Variants in SLC17A8 observed in about 807,000 individuals in gnomAD.
The protein encoded by SLC17A8 is vesicular glutamate transporter 3.
SLC17A8 carries 31 observed loss-of-function variants against 58.0 expected under a neutral mutation model. That is an observed-to-expected ratio of 0.53 (90% CI 0.40 to 0.72). The LOEUF (loss-of-function observed/expected upper bound fraction) is 0.72, where lower values mean the gene tolerates loss of function less well. Ranked by LOEUF, SLC17A8 falls within the 30% of genes least tolerant of loss-of-function variation. SLC17A8 has a pLI of 0.00. For missense variants in SLC17A8, 655 were observed against 727.8 expected (o/e 0.90, Z 1.15); for synonymous variants, 228 against 249.0 (o/e 0.92, Z 0.79).
intron 1 of SLC17A8, among the ~76,000 whole-genome samples, chr12:100,361,101 CCTTTA>C (rs953228214): frequency 6.6e-6 from 1 of 152,154 alleles, no homozygotes; most frequent in African/African-American, 2.4e-5. Context: ...GCTGCAACAT[CCTTTA>C]CTTCCCTGCC....
Position 100,402,679 on chromosome 12 carries a change from CT to C in SLC17A8, c.991del (p.Tyr331IlefsTer5), listed in dbSNP as rs1293916585. Reference protein sequence around the residue: ...IVANFCRSWTFYLLLISQPAY... With the variant: ...IVANFCRSWTXYLLLISQPAY... ...TGGCAAATTTTTGCAGAAGCTGGACCTTTTATTTGCTCCTCATAAGTCAGCC... is the reference window on the plus strand; with the variant it reads ...TGGCAAATTTTTGCAGAAGCTGGACCTTTATTTGCTCCTCATAAGTCAGCC... On this transcript the variant is annotated frameshift_variant, in exon 8 of 12. Coordinates refer to ENST00000323346, the MANE Select transcript of SLC17A8 (RefSeq NM_139319.3). LOFTEE classifies it high-confidence loss of function. 6.2e-7 allele frequency: 1 copy of C among 1,613,940 alleles called. No individual in the cohort carries two copies. The highest frequency in any genetic ancestry group is 1.3e-5 in the African/African-American group (1 of 74,904).
rs886048791 is a variant in SLC17A8, at chr12:100,420,403, G to C, written c.*244G>C. The C allele has an allele frequency of 2.1e-6, 1 of 472,038 alleles. No homozygotes were observed. The highest frequency in any genetic ancestry group is 1.9e-5 in the African/African-American group (1 of 51,824). The allele number at this position is 472,038 out of a possible 1,614,324, so 29.2% of individuals were successfully genotyped here. A position where few individuals can be genotyped will look rare whatever the true frequency, so the allele number is the denominator to read the frequency against. On this transcript the variant is annotated 3_prime_UTR_variant, in exon 12 of 12. Transcript: ENST00000323346. ...TGACAGTTGACCCTTCTCTCAAAGA[G>C]CTAAACTTATTCAGAAAGGAATGAC...
chr12:100,384,590 A>C (rs895277149), intron 2 of SLC17A8, among the ~76,000 whole-genome samples: 3 of 152,126 alleles, frequency 2.0e-5, no homozygotes, highest in Non-Finnish European at 2.9e-5. Flanking sequence ...CAAACAAAAA[A>C]TGGTAGTGGG....
intron 2 of SLC17A8, among the ~76,000 whole-genome samples, chr12:100,389,728 G>T (rs1172680455): frequency 6.6e-6 from 1 of 151,180 alleles, no homozygotes; most frequent in Non-Finnish European, 1.5e-5. Context: ...CAACTCCTGG[G>T]TTCCAGGGAT....
In SLC17A8 at chr12:100,420,138, A is replaced by G; in HGVS notation, c.1749A>G (p.Arg583=). ...TGACATCCTACCAGAATGAAGAGAG[A>G]AACTTCTCAACTATATCCTAATGTC... ...EELTSYQNEE[R]NFSTIS Residue 583 remains arginine, a synonymous_variant, in exon 12 of 12, where the codon AGA becomes AGG. Coordinates refer to ENST00000323346, the MANE Select transcript of SLC17A8 (RefSeq NM_139319.3). The G allele has an allele frequency of 6.2e-7, 1 of 1,613,342 alleles. No individual in the cohort carries two copies. The highest frequency in any genetic ancestry group is 1.3e-5 in the African/African-American group (1 of 75,034).
chr12:100,417,621 G>C (rs548940929), intron 10 of SLC17A8, among the ~76,000 whole-genome samples: 12 of 152,224 alleles, frequency 7.9e-5, no homozygotes, highest in Non-Finnish European at 1.3e-4. Flanking sequence ...TGCCTTTTAA[G>C]AGTAAGTCAG....
intron 1 of SLC17A8, among the ~76,000 whole-genome samples, chr12:100,377,736 G>T (rs1009978776): frequency 6.6e-6 from 1 of 151,672 alleles, no homozygotes; most frequent in Non-Finnish European, 1.5e-5. Flanking sequence ...CTACAGGCGC[G>T]TGCCACCACG....
At chr12:100,390,884 T>C in intron 2 of SLC17A8, 117 bp from the exon 3 acceptor site, 1 of 780,592 alleles carries the variant, frequency 1.3e-6, no homozygotes, top group Non-Finnish European at 2.3e-6. Context: ...TAAGTATGTG[T>C]TAAATAAATG....
intron 1 of SLC17A8, among the ~76,000 whole-genome samples, chr12:100,371,300 A>G (rs1256469694): frequency 6.6e-6 from 1 of 152,214 alleles, no homozygotes; most frequent in Non-Finnish European, 1.5e-5. Context: ...CACATACCTA[A>G]TAAATACCAC....
intron 1 of SLC17A8, among the ~76,000 whole-genome samples, chr12:100,365,851 C>T (rs1566385699): frequency 6.6e-6 from 1 of 152,122 alleles, no homozygotes; most frequent in Non-Finnish European, 1.5e-5. Flanking sequence ...TGATGTTCTG[C>T]AGCAGGTCCA....
intron 2 of SLC17A8, among the ~76,000 whole-genome samples, chr12:100,387,251 T>A (rs2025800): frequency 6.6e-6 from 1 of 151,974 alleles, no homozygotes; most frequent in Non-Finnish European, 1.5e-5. Flanking sequence ...CTCTTCATCC[T>A]CACCAACACT....
Position 100,357,434 on chromosome 12 carries a change from A to T in SLC17A8, c.43A>T (p.Lys15Ter). ...TGATACCTTCAAAGAAAAAATTCTG[A>T]AACCTGGGAAGGAAGGAGTGAAGAA... ...AFDTFKEKIL[K>*]PGKEGVKNAV... The change falls in exon 1 of 12, where the codon AAA (lysine) becomes TAA (stop). Residue 15 changes from lysine to a stop codon, truncating the protein, a stop_gained. Coordinates refer to ENST00000323346, the MANE Select transcript of SLC17A8 (RefSeq NM_139319.3). LOFTEE classifies it high-confidence loss of function. 2 of 1,614,056 alleles carry T rather than the reference A, an allele frequency of 1.2e-6. No individual in the cohort carries two copies.
At position 100,420,372 on chromosome 12, in the gene SLC17A8, T is replaced by C. The variant is rs1221475988; in HGVS notation, c.*213T>C. The stretch of plus-strand genomic sequence containing the variant: ...TAACATAGTTGATAATACATATTTT[T>C]TGAATTGACAGTTGACCCTTCTCTC... On this transcript the variant is annotated 3_prime_UTR_variant, in exon 12 of 12. Transcript: ENST00000323346. The C allele has an allele frequency of 2.0e-5, 11 of 541,502 alleles. No individual in the cohort carries two copies. The Admixed American group carries it at 2.2e-4, about 11-fold the overall frequency. 33.5% of individuals were successfully genotyped at this position (541,502 alleles called of 1,614,324 possible).
chr12:100,402,707 G>A lies in SLC17A8; in HGVS notation c.1015G>A (p.Ala339Thr), dbSNP rs138984845. The change falls in exon 8 of 12, where the codon GCT (alanine) becomes ACT (threonine). Residue 339 changes from alanine (A) to threonine (T), a missense_variant. Ala to Thr is a moderately conservative substitution (Grantham distance 58, BLOSUM62 0). Transcript: ENST00000323346. The part of the protein sequence containing the change: ...TFYLLLISQP[A>T]YFEEVFGFAI... ...TTATTTGCTCCTCATAAGTCAGCCTGCTTATTTTGAAGAGGTCTTTGGATT... is the reference window on the plus strand; with the variant it reads ...TTATTTGCTCCTCATAAGTCAGCCTACTTATTTTGAAGAGGTCTTTGGATT... The A allele has an allele frequency of 3.8e-4, 615 of 1,613,886 alleles. 1 individual carries two copies. The highest frequency in any genetic ancestry group is 5.0e-4 in the Non-Finnish European group (591 of 1,179,994).
intron 2 of SLC17A8, among the ~76,000 whole-genome samples, chr12:100,384,867 A>G (rs1169337562): frequency 6.6e-6 from 1 of 152,146 alleles, no homozygotes; most frequent in Non-Finnish European, 1.5e-5. Flanking sequence ...TGCTTGCCCC[A>G]CAGAGTCTTT....
chr12:100,386,985 A>G (rs997107550), intron 2 of SLC17A8, among the ~76,000 whole-genome samples: 6 of 152,130 alleles, frequency 3.9e-5, no homozygotes, highest in Admixed American at 1.3e-4. Context: ...CACTGCGCCC[A>G]GCCACATTTT....
chr12:100,362,727 G>T (rs1952492633), intron 1 of SLC17A8, among the ~76,000 whole-genome samples: 1 of 152,116 alleles, frequency 6.6e-6, no homozygotes, highest in South Asian at 2.1e-4. Context: ...AAGACTCTAT[G>T]GTTGTAATTC....
intron 4 of SLC17A8, among the ~76,000 whole-genome samples, chr12:100,395,218 G>C (rs1433947716): frequency 1.3e-5 from 2 of 152,092 alleles, no homozygotes; most frequent in Non-Finnish European, 2.9e-5. Context: ...TTGAATTTCA[G>C]CATCTGTACT....
chr12:100,397,622 C>T (rs1402401859), intron 5 of SLC17A8, among the ~76,000 whole-genome samples: 4 of 152,002 alleles, frequency 2.6e-5, no homozygotes, highest in African/African-American at 4.8e-5. Context: ...GTAAATGTGT[C>T]GGGGGAAGGG....
Sources: gnomAD v4.1 joint callset for allele counts (sites outside exome capture counted in the v4.1 genomes callset) on GRCh38, gnomAD v4.1.1 for gene constraint, MANE v1.5 for transcripts, NCBI Gene and HGNC (gene_info 2026-07-23, HGNC 2026-07-21) for gene names.